Variants in SLC4A4 observed in about 807,000 individuals in gnomAD.
SLC4A4 encodes solute carrier family 4 member 4.
SLC4A4 carries 27 observed loss-of-function variants against 111.5 expected under a neutral mutation model. That is an observed-to-expected ratio of 0.24 (90% confidence interval 0.18 to 0.33). The LOEUF (loss-of-function observed/expected upper bound fraction) is 0.33. Among genes scored for constraint, SLC4A4 ranks in the 10% least tolerant of loss-of-function variants. The probability of loss-of-function intolerance (pLI) is 1.00; values close to 1 mark genes in which losing one functional copy is unlikely to be tolerated. For missense variants in SLC4A4, 909 were observed against 1,315.5 expected, an observed-to-expected ratio of 0.69 and a Z score of 4.78; for synonymous variants, 443 against 463.4, an observed-to-expected ratio of 0.96 and a Z score of 0.57.
rs149811840 is a variant in SLC4A4, at chr4:71,290,189, GT to G, written c.253+34791del. On this transcript the variant is annotated intron_variant, in intron 3 of 25. Coordinates refer to ENST00000264485, the MANE Select transcript of SLC4A4 (RefSeq NM_001098484.3). ...ACAGGATTACAGTTTGAGAGCTCAA[GT>G]CTTGGCCATCGACTTTGGAGGCATT... Among the ~76,000 whole-genome samples the G allele has an allele frequency of 2.7e-3, 415 of 152,308 alleles. 3 individuals carry two copies. The highest frequency in any genetic ancestry group is 8.8e-3 in the African/African-American group (366 of 41,572).
At chr4:71,259,615 TC>T (rs1238144086) in intron 3 of SLC4A4, among the ~76,000 whole-genome samples, 1 of 151,820 alleles carries the variant, frequency 6.6e-6, no homozygotes, top group Admixed American at 6.6e-5. Context: ...TTAAAAATAA[TC>T]CTTTTGCCTC....
At chr4:71,477,330 A>C (rs1728461813) in intron 14 of SLC4A4, among the ~76,000 whole-genome samples, 1 of 151,716 alleles carries the variant, frequency 6.6e-6, no homozygotes, top group Non-Finnish European at 1.5e-5. Flanking sequence ...ATCCTACAAA[A>C]GATGCCCCAG....
chr4:71,379,782 G>A (rs1345067192), intron 6 of SLC4A4, among the ~76,000 whole-genome samples: 18 of 152,090 alleles, frequency 1.2e-4, no homozygotes, highest in Non-Finnish European at 2.2e-4. Flanking sequence ...GAACGATGAC[G>A]AATTTCTCAA....
rs185090295 is a variant in SLC4A4, at chr4:71,435,379, C to T, written c.808-5237C>T. The stretch of plus-strand genomic sequence containing the variant: ...ATATGCAGAAAACTGAAACTGGATC[C>T]CTTCCTTACACCTTATACAAAAATT... On this transcript the variant is annotated intron_variant, in intron 7 of 25. Transcript: ENST00000264485. Among the ~76,000 whole-genome samples the T allele has an allele frequency of 2.4e-4, 36 of 152,270 alleles. No homozygotes were observed. The East Asian group carries it at 5.0e-3, about 21-fold the overall frequency.
chr4:71,233,092 G>A (rs1310943039), intron 1 of SLC4A4, among the ~76,000 whole-genome samples: 1 of 152,206 alleles, frequency 6.6e-6, no homozygotes, highest in Non-Finnish European at 1.5e-5. Context: ...ATGGGTTCTT[G>A]TCTTTTGAAC....
At chr4:71,547,912 C>G (rs1735673842) in intron 20 of SLC4A4, among the ~76,000 whole-genome samples, 192 bp downstream of exon 20, 1 of 151,890 alleles carries the variant, frequency 6.6e-6, no homozygotes, top group Non-Finnish European at 1.5e-5. Context: ...TTCATCCCCT[C>G]CCTTATCCTT....
chr4:71,539,132 C>T (rs1734824351), intron 18 of SLC4A4, among the ~76,000 whole-genome samples: 2 of 151,990 alleles, frequency 1.3e-5, no homozygotes, highest in South Asian at 4.1e-4. Context: ...TTGGATAACT[C>T]CCAAATTCCT....
chr4:71,223,946 T>A (rs897618238), intron 1 of SLC4A4, among the ~76,000 whole-genome samples: 4 of 152,014 alleles, frequency 2.6e-5, no homozygotes, highest in Non-Finnish European at 5.9e-5. Context: ...GGAGCCCGGA[T>A]CTTCACTGTT....
chr4:71,530,348 A>C (rs1733811304), intron 16 of SLC4A4, among the ~76,000 whole-genome samples: 1 of 152,114 alleles, frequency 6.6e-6, no homozygotes, highest in African/African-American at 2.4e-5. Context: ...ATAACAAACC[A>C]ATGAAGTTGT....
intron 1 of SLC4A4, among the ~76,000 whole-genome samples, chr4:71,235,070 A>G (rs1468707212): frequency 2.6e-5 from 4 of 152,212 alleles, no homozygotes; most frequent in Non-Finnish European, 4.4e-5. Context: ...TCTCAAAGCC[A>G]TCAATGCATG....
At chr4:71,539,495 G>T (rs1734855639) in intron 18 of SLC4A4, among the ~76,000 whole-genome samples, 1 of 152,062 alleles carries the variant, frequency 6.6e-6, no homozygotes, top group Admixed American at 6.6e-5. Context: ...TTTTCCTTAA[G>T]CGTGACAGTT....
At chr4:71,409,851 G>A (rs999799685) in intron 7 of SLC4A4, among the ~76,000 whole-genome samples, 5 of 152,162 alleles carry the variant, frequency 3.3e-5, no homozygotes, top group Non-Finnish European at 5.9e-5. Context: ...CGGGGTCCCC[G>A]TGCTGTATGC....
intron 4 of SLC4A4, among the ~76,000 whole-genome samples, chr4:71,344,571 G>A (rs970933901): frequency 9.2e-5 from 14 of 152,090 alleles, no homozygotes; most frequent in African/African-American, 3.4e-4. Context: ...TTCTGTGAAA[G>A]TCGCAATTGA....
chr4:71,317,700 A>G (rs2148863140), intron 3 of SLC4A4, among the ~76,000 whole-genome samples: 1 of 152,204 alleles, frequency 6.6e-6, no homozygotes, highest in East Asian at 1.9e-4. Context: ...GTTCACAAAT[A>G]CAGTAGAAAT....
intron 4 of SLC4A4, among the ~76,000 whole-genome samples, chr4:71,345,315 T>C (rs920798153): frequency 6.6e-6 from 1 of 152,256 alleles, no homozygotes; most frequent in Non-Finnish European, 1.5e-5. Flanking sequence ...ACTTTTTTTT[T>C]CCCTGCCCAA....
intron 6 of SLC4A4, among the ~76,000 whole-genome samples, chr4:71,383,281 C>T (rs1040521588): frequency 1.3e-5 from 2 of 152,094 alleles, no homozygotes; most frequent in African/African-American, 2.4e-5. Context: ...CATAAGTAAG[C>T]GAGGTACTTA....
chr4:71,408,769 C>G (rs1273247215), intron 7 of SLC4A4, among the ~76,000 whole-genome samples: 1 of 152,142 alleles, frequency 6.6e-6, no homozygotes, highest in African/African-American at 2.4e-5. Context: ...ATGTTAACTA[C>G]TCCTGTTTTG....
chr4:71,360,507 GAA>G (rs1448116478), intron 6 of SLC4A4, among the ~76,000 whole-genome samples: 2 of 152,070 alleles, frequency 1.3e-5, no homozygotes, highest in African/African-American at 2.4e-5. Flanking sequence ...TCTGATTTAG[GAA>G]AAGAGTCAGC....
intron 2 of SLC4A4, among the ~76,000 whole-genome samples, chr4:71,116,406 C>T (rs561789890): frequency 1.3e-5 from 2 of 152,252 alleles, no homozygotes; most frequent in East Asian, 1.9e-4. Context: ...GAATTTTCTA[C>T]CTTTAATACA....
Sources: gnomAD v4.1 joint callset for allele counts (sites outside exome capture counted in the v4.1 genomes callset) on GRCh38, gnomAD v4.1.1 for gene constraint, MANE v1.5 for transcripts, NCBI Gene and HGNC (gene_info 2026-07-23, HGNC 2026-07-21) for gene names.